The following METTL15 variants were observed in gnomAD, a reference collection of about 807,000 sequenced individuals.
METTL15 encodes 12S rRNA N(4)-cytidine methyltransferase METTL15.
A neutral mutation model predicts 38.3 loss-of-function variants in METTL15; 34 were observed. The ratio of observed to expected loss-of-function variants is 0.89; its 90% CI spans 0.68 to 1.18. The LOEUF (loss-of-function observed/expected upper bound fraction) is 1.18. Among genes scored for constraint, METTL15 ranks in the 50% most tolerant of loss-of-function variants. The pLI, the probability that METTL15 is intolerant of heterozygous loss-of-function variation, is 0.00. For synonymous variants in METTL15, 162 were observed against 170.9 expected, an observed-to-expected ratio of 0.95 and a Z score of 0.41; for missense variants, 438 against 498.4, an observed-to-expected ratio of 0.88 and a Z score of 1.15.
At chr11:28,526,892 T>G (rs528331119) in exon 8 of METTL15, 3 of 152,226 alleles carry the variant, frequency 2.0e-5, no homozygotes, top group African/African-American at 4.8e-5. Context: ...GTGATGAAAA[T>G]TAAATGTGTA....
intron 6 of METTL15, among the ~76,000 whole-genome samples, chr11:28,323,993 T>G (rs948442161): frequency 2.0e-5 from 3 of 152,202 alleles, no homozygotes; most frequent in Non-Finnish European, 2.9e-5. Flanking sequence ...TGTATTGAAA[T>G]TAGAACTTGT....
chr11:28,269,672 G>A (rs1294789091), intron 4 of METTL15, among the ~76,000 whole-genome samples: 1 of 152,096 alleles, frequency 6.6e-6, no homozygotes, highest in Non-Finnish European at 1.5e-5. Context: ...TAGATTCTTT[G>A]GGAATTCATA....
intron 3 of METTL15, among the ~76,000 whole-genome samples, chr11:28,198,018 CA>C (rs1453443665): frequency 6.6e-6 from 1 of 152,034 alleles, no homozygotes; most frequent in Non-Finnish European, 1.5e-5. Context: ...ATACTATAAA[CA>C]GTCTATATAT....
At chr11:28,235,522 G>T (rs573474426) in intron 4 of METTL15, among the ~76,000 whole-genome samples, 1 of 151,932 alleles carries the variant, frequency 6.6e-6, no homozygotes, top group Non-Finnish European at 1.5e-5. Context: ...GGTCCTTCAC[G>T]TCCCTTGTAA....
intron 4 of METTL15, among the ~76,000 whole-genome samples, chr11:28,263,880 C>T (rs1207553241): frequency 6.6e-6 from 1 of 151,964 alleles, no homozygotes; most frequent in African/African-American, 2.4e-5. Context: ...TTGCCCTTTG[C>T]TATGAACGTA....
At chr11:28,139,615 A>G (rs1292404082) in intron 3 of METTL15, among the ~76,000 whole-genome samples, 1 of 152,138 alleles carries the variant, frequency 6.6e-6, no homozygotes, top group Non-Finnish European at 1.5e-5. Context: ...ACCTCTATCC[A>G]TGAAATGGGA....
In METTL15 at chr11:28,288,081, C is replaced by G. The variant is rs565885926; in HGVS notation, c.408-2125C>G. 6.1e-4 allele frequency among the ~76,000 whole-genome samples: 93 copies of G among 152,224 alleles called. No individual in the cohort carries two copies. In the Middle Eastern group the frequency reaches 0.01, roughly 17 times the overall value. On this transcript the variant is annotated intron_variant, in intron 4 of 6. Coordinates refer to ENST00000407364, the MANE Select transcript of METTL15 (RefSeq NM_001113528.2). The stretch of plus-strand genomic sequence containing the variant: ...ATGAAAAAAGCTCAACATCACTGAT[C>G]ATTAGAGAAATGCAAATCAGAACCA...
At chr11:28,379,222 T>C (rs930085177) in intron 5 of METTL15, among the ~76,000 whole-genome samples, 4 of 152,120 alleles carry the variant, frequency 2.6e-5, no homozygotes, top group African/African-American at 4.8e-5. Flanking sequence ...AATTCTGCTT[T>C]GATTTTTATT....
chr11:28,367,881 C>G (rs1590346896), intron 5 of METTL15, among the ~76,000 whole-genome samples: 1 of 152,144 alleles, frequency 6.6e-6, no homozygotes, highest in East Asian at 1.9e-4. Flanking sequence ...GTTGGGAAAA[C>G]TGGCTAGCCA....
chr11:28,444,696 G>T (rs1366248134), intron 6 of METTL15, among the ~76,000 whole-genome samples: 1 of 152,156 alleles, frequency 6.6e-6, no homozygotes, highest in African/African-American at 2.4e-5. Flanking sequence ...CAAAGATTAA[G>T]TGAGATAATG....
At chr11:28,343,441 G>T (rs776748430) in intron 3 of METTL15, among the ~76,000 whole-genome samples, 35 of 151,900 alleles carry the variant, frequency 2.3e-4, no homozygotes, top group Non-Finnish European at 3.7e-4. Flanking sequence ...CCAGATCTAC[G>T]ACTGCTTATA....
chr11:28,131,644 A>G (rs2133634128), intron 3 of METTL15, among the ~76,000 whole-genome samples: 1 of 151,396 alleles, frequency 6.6e-6, no homozygotes, highest in East Asian at 2.0e-4. Context: ...TTTCTGTTTG[A>G]TTGTGAACAT....
At chr11:28,444,795 T>A (rs1317801849) in intron 6 of METTL15, among the ~76,000 whole-genome samples, 1 of 152,096 alleles carries the variant, frequency 6.6e-6, no homozygotes, top group Non-Finnish European at 1.5e-5. Flanking sequence ...AGGTTTACAT[T>A]CTCACCGTAG....
chr11:28,502,125 G>A (rs367641590), intron 6 of METTL15, among the ~76,000 whole-genome samples: 55 of 149,256 alleles, frequency 3.7e-4, no homozygotes, highest in African/African-American at 1.2e-3. Context: ...GAAAAAAAAA[G>A]CTCTTCCACA....
At chr11:28,353,918 C>G (rs1344190232) in intron 4 of METTL15, among the ~76,000 whole-genome samples, 4 of 127,694 alleles carry the variant, frequency 3.1e-5, no homozygotes, top group Non-Finnish European at 6.2e-5. Context: ...GGCGACAGAG[C>G]GAGACTCCGT....
At chr11:28,258,609 T>C (rs377759950) in intron 4 of METTL15, among the ~76,000 whole-genome samples, 50 of 152,226 alleles carry the variant, frequency 3.3e-4, no homozygotes, top group Admixed American at 1.0e-3. Flanking sequence ...TTCCTACTAT[T>C]TTCTCCCCTT....
chr11:28,235,177 G>T (rs1361435063), intron 4 of METTL15, among the ~76,000 whole-genome samples: 1 of 151,892 alleles, frequency 6.6e-6, no homozygotes, highest in African/African-American at 2.4e-5. Context: ...CTCTGTTTTG[G>T]TACCAGTACC....
At chr11:28,245,083 G>A (rs558249828) in intron 4 of METTL15, among the ~76,000 whole-genome samples, 6 of 152,114 alleles carry the variant, frequency 3.9e-5, no homozygotes, top group African/African-American at 1.4e-4. Flanking sequence ...ATTCTTAATT[G>A]ATTTGCTTCT....
chr11:28,315,395 G>A (rs1216698548), intron 6 of METTL15, among the ~76,000 whole-genome samples: 4 of 152,190 alleles, frequency 2.6e-5, no homozygotes, highest in Non-Finnish European at 4.4e-5. Context: ...ACTTGAGAGA[G>A]ATGATTTAGC....
Sources: gnomAD v4.1 joint callset for allele counts (sites outside exome capture counted in the v4.1 genomes callset) on GRCh38, gnomAD v4.1.1 for gene constraint, MANE v1.5 for transcripts, NCBI Gene and HGNC (gene_info 2026-07-23, HGNC 2026-07-21) for gene names.